TBC1D1: variants seen among roughly 807,000 people sequenced by gnomAD.
TBC1D1 encodes TBC1 (tre-2/USP6, BUB2, cdc16) domain family, member 1.
A neutral mutation model predicts 125.6 loss-of-function variants in TBC1D1; 89 were observed. The ratio of observed to expected loss-of-function variants is 0.71; its 90% CI spans 0.60 to 0.85. The LOEUF (loss-of-function observed/expected upper bound fraction) is 0.85. TBC1D1 is among the 40% of genes least tolerant of loss of function. The pLI, the probability that TBC1D1 is intolerant of heterozygous loss-of-function variation, is 0.00. For missense variants in TBC1D1, 1,377 were observed against 1,469.2 expected, an observed-to-expected ratio of 0.94 and a Z score of 1.03; for synonymous variants, 565 against 564.1, an observed-to-expected ratio of 1.00 and a Z score of -0.02.
intron 2 of TBC1D1, among the ~76,000 whole-genome samples, chr4:37,994,967 G>A (rs1381617757): frequency 2.0e-5 from 3 of 151,968 alleles, no homozygotes; most frequent in African/African-American, 7.3e-5. Context: ...TGCAACTTAC[G>A]TACTTAACCT....
At chr4:37,929,574 A>T (rs1722834848) in intron 2 of TBC1D1, among the ~76,000 whole-genome samples, 1 of 152,182 alleles carries the variant, frequency 6.6e-6, no homozygotes, top group African/African-American at 2.4e-5. Flanking sequence ...CTTGCTGCAG[A>T]TGGGTAAATT....
chr4:38,024,721 T>C (rs1744731190), intron 6 of TBC1D1, among the ~76,000 whole-genome samples: 1 of 152,258 alleles, frequency 6.6e-6, no homozygotes, highest in Non-Finnish European at 1.5e-5. Context: ...TGTTATTGTA[T>C]TCCTAATAAG....
At chr4:37,945,119 A>T (rs541177958) in intron 2 of TBC1D1, among the ~76,000 whole-genome samples, 2 of 152,308 alleles carry the variant, frequency 1.3e-5, no homozygotes, top group Non-Finnish European at 2.9e-5. Flanking sequence ...ACTTATAGAA[A>T]GTTGGATAAA....
At chr4:37,915,537 C>T (rs2152262677) in intron 2 of TBC1D1, among the ~76,000 whole-genome samples, 1 of 152,244 alleles carries the variant, frequency 6.6e-6, no homozygotes, top group East Asian at 1.9e-4. Flanking sequence ...TCTTCTATTC[C>T]AGACCTTGAG....
chr4:38,031,986 G>T (rs1371023159), intron 7 of TBC1D1, among the ~76,000 whole-genome samples: 3 of 152,160 alleles, frequency 2.0e-5, no homozygotes, highest in Non-Finnish European at 1.5e-5. Flanking sequence ...ATTTTTATAA[G>T]GTATATACAA....
intron 2 of TBC1D1, among the ~76,000 whole-genome samples, chr4:37,998,319 C>T (rs758796313): frequency 2.6e-5 from 4 of 152,210 alleles, no homozygotes; most frequent in African/African-American, 4.8e-5. Flanking sequence ...GCCACTTCAT[C>T]CTTCTGCCTG....
chr4:38,103,584 A>G lies in TBC1D1; in HGVS notation c.2557+427A>G, dbSNP rs543222073. On this transcript the variant is annotated intron_variant, in intron 15 of 19. Coordinates refer to ENST00000261439, the MANE Select transcript of TBC1D1 (RefSeq NM_015173.4). ...AGAATTCATCAGAAAAATTGTAGAA[A>G]GCAGTTTGTGTGTGTGCCTTGAATG... Among the ~76,000 whole-genome samples the G allele has an allele frequency of 7.2e-5, 11 of 152,328 alleles. No homozygotes were observed. The South Asian group carries it at 2.3e-3, about 32-fold the overall frequency.
intron 2 of TBC1D1, among the ~76,000 whole-genome samples, chr4:37,963,954 G>A (rs187805536): frequency 6.6e-6 from 1 of 152,076 alleles, no homozygotes; most frequent in Non-Finnish European, 1.5e-5. Flanking sequence ...GTTGGTTAGG[G>A]GCCCTCTCTG....
At chr4:38,042,045 G>T (rs954786245) in intron 8 of TBC1D1, among the ~76,000 whole-genome samples, 3 of 151,876 alleles carry the variant, frequency 2.0e-5, no homozygotes, top group Non-Finnish European at 4.4e-5. Flanking sequence ...ATGTGGTGGC[G>T]CACACTTGTA....
intron 15 of TBC1D1, among the ~76,000 whole-genome samples, chr4:38,107,215 G>A (rs371988324): frequency 4.6e-5 from 7 of 152,276 alleles, no homozygotes; most frequent in African/African-American, 9.6e-5. Context: ...GCCTAGACCC[G>A]GCAGTGGAGT....
chr4:37,994,949 G>T (rs200458211), intron 2 of TBC1D1, among the ~76,000 whole-genome samples: 1 of 151,522 alleles, frequency 6.6e-6, no homozygotes, highest in African/African-American at 2.4e-5. Flanking sequence ...CTTCTTTTTT[G>T]TTTTTTTTGC....
intron 12 of TBC1D1, among the ~76,000 whole-genome samples, chr4:38,068,106 C>A (rs1479172850): frequency 1.3e-5 from 2 of 152,138 alleles, no homozygotes; most frequent in South Asian, 4.1e-4. Flanking sequence ...GATTCCTTCG[C>A]CTTTGGCTTC....
intron 12 of TBC1D1, among the ~76,000 whole-genome samples, chr4:38,057,414 C>A (rs1642082936): frequency 1.3e-5 from 2 of 152,196 alleles, no homozygotes; most frequent in Non-Finnish European, 2.9e-5. Flanking sequence ...TGTCACCCAT[C>A]TCCGGCAGCT....
intron 2 of TBC1D1, among the ~76,000 whole-genome samples, chr4:37,930,213 A>G (rs1375428943): frequency 6.6e-6 from 1 of 152,228 alleles, no homozygotes; most frequent in Non-Finnish European, 1.5e-5. Context: ...AGTGAATTCT[A>G]AAAACATAAT....
At chr4:38,080,622 G>A (rs1470770573) in intron 12 of TBC1D1, among the ~76,000 whole-genome samples, 2 of 152,186 alleles carry the variant, frequency 1.3e-5, no homozygotes, top group African/African-American at 2.4e-5. Flanking sequence ...TCCCAGTCGT[G>A]TGTCAGAACT....
intron 2 of TBC1D1, among the ~76,000 whole-genome samples, chr4:37,918,613 A>G (rs928283071): frequency 5.9e-5 from 9 of 151,946 alleles, no homozygotes; most frequent in Non-Finnish European, 1.3e-4. Context: ...ACGCCTGGCT[A>G]ATTTTTCTAT....
intron 11 of TBC1D1, among the ~76,000 whole-genome samples, chr4:38,053,539 G>A (rs141304466): frequency 1.3e-5 from 2 of 152,310 alleles, no homozygotes; most frequent in African/African-American, 4.8e-5. Flanking sequence ...TGTTCAGGAC[G>A]TCTAATCTGT....
intron 7 of TBC1D1, 121 bp downstream of exon 7, chr4:38,028,000 C>A: frequency 1.6e-6 from 1 of 637,730 alleles, no homozygotes; most frequent in Non-Finnish European, 2.6e-6. Context: ...GCCTTGAGTT[C>A]GTCTTGGTTT....
intron 14 of TBC1D1, 147 bp from the exon 17 acceptor site, chr4:38,102,852 G>A: frequency 1.2e-6 from 1 of 861,976 alleles, no homozygotes. Context: ...CTGCACTGCA[G>A]CTCGGGTGAC....
Sources: gnomAD v4.1 joint callset for allele counts (sites outside exome capture counted in the v4.1 genomes callset) on GRCh38, gnomAD v4.1.1 for gene constraint, MANE v1.5 for transcripts, NCBI Gene and HGNC (gene_info 2026-07-23, HGNC 2026-07-21) for gene names.